GSG1L: variants seen among roughly 807,000 people sequenced by gnomAD.
GSG1L encodes the protein GSG1 like.
GSG1L carries 24 observed loss-of-function variants against 42.1 expected under a neutral mutation model. The ratio of observed to expected loss-of-function variants is 0.57; its 90% confidence interval spans 0.41 to 0.80. The LOEUF (loss-of-function observed/expected upper bound fraction) is 0.80. Ranked by LOEUF, GSG1L falls within the 30% of genes least tolerant of loss-of-function variation. GSG1L has a pLI of 0.00. For synonymous variants in GSG1L, 215 were observed against 203.5 expected (o/e 1.06, Z -0.48); for missense variants, 445 against 472.2 (o/e 0.94, Z 0.53).
intron 1 of GSG1L, among the ~76,000 whole-genome samples, chr16:28,014,878 C>A (rs985617171): frequency 6.6e-6 from 1 of 152,062 alleles, no homozygotes; most frequent in African/African-American, 2.4e-5. Flanking sequence ...ATTTCTAAAG[C>A]AAGTGAGAAA....
chr16:27,873,420 G>C (rs2083847519), intron 3 of GSG1L, among the ~76,000 whole-genome samples: 1 of 152,174 alleles, frequency 6.6e-6, no homozygotes, highest in Admixed American at 6.5e-5. Flanking sequence ...TGATGGAATG[G>C]ATAGTCTATG....
At position 27,818,409 on chromosome 16, in the gene GSG1L, C is replaced by T. The variant is rs568806705; in HGVS notation, c.830+10380G>A. Reference sequence around the variant, plus strand: ...GCTGACGATCCGATCACATGAGCCGCGTGAAGGCTCTGAATCTCCACGGTG... The same window carrying T: ...GCTGACGATCCGATCACATGAGCCGTGTGAAGGCTCTGAATCTCCACGGTG... On this transcript the variant is annotated intron_variant, in intron 5 of 6. Coordinates refer to ENST00000447459, the MANE Select transcript of GSG1L (RefSeq NM_001109763.2). Among the ~76,000 whole-genome samples the T allele has an allele frequency of 1.2e-4, 18 of 152,230 alleles. No individual in the cohort carries two copies. The South Asian group carries it at 2.7e-3, about 23-fold the overall frequency.
intron 2 of GSG1L, among the ~76,000 whole-genome samples, chr16:27,899,017 G>A (rs887787235): frequency 2.6e-5 from 4 of 152,190 alleles, no homozygotes; most frequent in South Asian, 2.1e-4. Flanking sequence ...CCAGCTCAGC[G>A]TGCAGGCAGT....
chr16:27,912,994 T>TG (rs1464346662), intron 2 of GSG1L, among the ~76,000 whole-genome samples: 18 of 137,466 alleles, frequency 1.3e-4, no homozygotes, highest in African/African-American at 2.1e-4. Flanking sequence ...TGTGTGTGTG[T>TG]TTTTTTTTAA....
chr16:27,811,510 T>C (rs763889535), intron 5 of GSG1L, among the ~76,000 whole-genome samples: 4 of 152,206 alleles, frequency 2.6e-5, no homozygotes, highest in Non-Finnish European at 5.9e-5. Flanking sequence ...ACCACCTCCC[T>C]GGCCACATCC....
At chr16:27,920,352 G>A (rs1348907850) in intron 2 of GSG1L, among the ~76,000 whole-genome samples, 3 of 152,150 alleles carry the variant, frequency 2.0e-5, no homozygotes, top group South Asian at 2.1e-4. Context: ...TGAGTTGTCC[G>A]CACACCAGGC....
intron 1 of GSG1L, among the ~76,000 whole-genome samples, chr16:28,038,521 G>A (rs2086066783): frequency 6.6e-6 from 1 of 152,092 alleles, no homozygotes; most frequent in African/African-American, 2.4e-5. Flanking sequence ...AGGGAAGTGG[G>A]GACGTGCATG....
intron 2 of GSG1L, among the ~76,000 whole-genome samples, chr16:27,915,514 T>A (rs1487416575): frequency 6.6e-6 from 1 of 152,164 alleles, no homozygotes; most frequent in Non-Finnish European, 1.5e-5. Context: ...TTCTCAGTCG[T>A]TCATTCACTC....
intron 2 of GSG1L, among the ~76,000 whole-genome samples, chr16:27,928,047 C>T (rs927348356): frequency 3.3e-5 from 5 of 152,192 alleles, no homozygotes; most frequent in South Asian, 4.1e-4. Context: ...CTAGACGATA[C>T]GTTCCATGTC....
chr16:27,993,806 A>G (rs963881173), intron 1 of GSG1L, among the ~76,000 whole-genome samples: 2 of 152,220 alleles, frequency 1.3e-5, no homozygotes, highest in Non-Finnish European at 2.9e-5. Context: ...TGACTTGCCC[A>G]TACATGTCCG....
At chr16:27,964,472 T>C (rs1226915032) in intron 1 of GSG1L, among the ~76,000 whole-genome samples, 1 of 152,206 alleles carries the variant, frequency 6.6e-6, no homozygotes, top group South Asian at 2.1e-4. Context: ...GATAGCACAA[T>C]TGTATTTATC....
chr16:27,859,692 G>C (rs1214933155), intron 3 of GSG1L, among the ~76,000 whole-genome samples: 1 of 152,052 alleles, frequency 6.6e-6, no homozygotes, highest in Non-Finnish European at 1.5e-5. Context: ...TTTATATTTT[G>C]AGAGTTAGAG....
rs1206206650 is a variant in GSG1L, at chr16:27,790,215, TGAATGGATG to T, written c.*1146_*1154del. 1 of 151,252 alleles carries T rather than the reference TGAATGGATG, an allele frequency of 6.6e-6. No homozygotes were observed. Among genetic ancestry groups the T allele is most frequent in the Non-Finnish European group, 1.5e-5 (1 of 67,806 alleles). 9.4% of individuals were successfully genotyped at this position (151,252 alleles called of 1,614,324 possible). On this transcript the variant is annotated 3_prime_UTR_variant, in exon 7 of 7. Coordinates refer to ENST00000447459, the MANE Select transcript of GSG1L (RefSeq NM_001109763.2). The stretch of plus-strand genomic sequence containing the variant: ...GGGTGGATAATAGATGGACGAATGA[TGAATGGATG>T]GATGGATAATGGATAATGGCTGGAT...
intron 3 of GSG1L, among the ~76,000 whole-genome samples, chr16:27,869,803 G>A (rs369082704): frequency 2.7e-4 from 22 of 82,986 alleles, no homozygotes; most frequent in African/African-American, 9.0e-4. Flanking sequence ...CTTTGTCTCT[G>A]TCTCCCTCCA....
chr16:27,864,701 G>A (rs754132), intron 3 of GSG1L, among the ~76,000 whole-genome samples: 75,488 of 152,012 alleles, frequency 0.5, 19,329 homozygotes, highest in African/African-American at 0.63. Flanking sequence ...ATGAGACCCA[G>A]CAGGCTTTGA....
intron 3 of GSG1L, among the ~76,000 whole-genome samples, chr16:27,849,967 G>A (rs943228727): frequency 9.3e-5 from 14 of 150,856 alleles, no homozygotes; most frequent in Non-Finnish European, 1.9e-4. Flanking sequence ...GAAGATGAAG[G>A]GAGGAAGAAG....
intron 1 of GSG1L, among the ~76,000 whole-genome samples, chr16:28,000,229 A>T (rs1393745856): frequency 6.6e-6 from 1 of 152,228 alleles, no homozygotes; most frequent in Non-Finnish European, 1.5e-5. Context: ...GCACTTTGGG[A>T]GGCCAAGGTG....
intron 3 of GSG1L, among the ~76,000 whole-genome samples, chr16:27,865,600 CAT>C (rs1180054005): frequency 7.7e-6 from 1 of 130,344 alleles, no homozygotes; most frequent in Non-Finnish European, 1.7e-5. Flanking sequence ...CATACACACA[CAT>C]ATATATACAC....
intron 2 of GSG1L, among the ~76,000 whole-genome samples, chr16:27,943,531 G>A (rs1348612901): frequency 6.7e-6 from 1 of 149,572 alleles, no homozygotes; most frequent in Non-Finnish European, 1.5e-5. Flanking sequence ...AAAACCACAA[G>A]GTGAGATCAG....
Sources: gnomAD v4.1 joint callset for allele counts (sites outside exome capture counted in the v4.1 genomes callset) on GRCh38, gnomAD v4.1.1 for gene constraint, MANE v1.5 for transcripts, NCBI Gene and HGNC (gene_info 2026-07-23, HGNC 2026-07-21) for gene names.